Variants in TYW1B observed in about 807,000 individuals in gnomAD.
TYW1B encodes the protein S-adenosyl-L-methionine-dependent tRNA 4-demethylwyosine synthase TYW1B.
TYW1B carries 73 observed loss-of-function variants against 86.9 expected under a neutral mutation model. The observed-to-expected ratio is 0.84, with a 90% CI of 0.70 to 1.02. The LOEUF (loss-of-function observed/expected upper bound fraction) is 1.02, where lower values mean the gene tolerates loss of function less well. Ranked by LOEUF, TYW1B falls within the 50% of genes least tolerant of loss-of-function variation. TYW1B has a pLI of 0.00. For missense variants in TYW1B, 637 were observed against 827.4 expected, an observed-to-expected ratio of 0.77 and a Z score of 2.82; for synonymous variants, 248 against 292.8, an observed-to-expected ratio of 0.85 and a Z score of 1.56.
intron 11 of TYW1B, among the ~76,000 whole-genome samples, chr7:72,630,781 C>T (rs1326955136): frequency 7.2e-5 from 11 of 151,824 alleles, no homozygotes; most frequent in Non-Finnish European, 1.3e-4. Flanking sequence ...CCTTTATATA[C>T]TTATAATTCA....
intron 8 of TYW1B, among the ~76,000 whole-genome samples, chr7:72,734,905 A>C (rs2129571167): frequency 6.6e-6 from 1 of 152,346 alleles, no homozygotes; most frequent in Admixed American, 6.5e-5. Flanking sequence ...TCAAAACCGC[A>C]ATGAAATTCC....
intron 11 of TYW1B, among the ~76,000 whole-genome samples, chr7:72,637,047 C>T (rs1209760904): frequency 6.6e-6 from 1 of 151,998 alleles, no homozygotes; most frequent in Non-Finnish European, 1.5e-5. Context: ...GTGATTGAGC[C>T]CAGGAGGTGG....
chr7:72,646,729 G>A (rs1403372205), intron 11 of TYW1B, among the ~76,000 whole-genome samples: 1 of 152,164 alleles, frequency 6.6e-6, no homozygotes, highest in African/African-American at 2.4e-5. Flanking sequence ...ATGATATTAT[G>A]TCTGTTATTA....
At chr7:72,698,800 G>C (rs1468886865) in intron 10 of TYW1B, among the ~76,000 whole-genome samples, 3 of 152,192 alleles carry the variant, frequency 2.0e-5, no homozygotes, top group Non-Finnish European at 2.9e-5. Context: ...GCGGTTACAT[G>C]TAACAAACAG....
intron 9 of TYW1B, among the ~76,000 whole-genome samples, chr7:72,720,321 G>A (rs1786872058): frequency 6.6e-6 from 1 of 152,176 alleles, no homozygotes; most frequent in South Asian, 2.1e-4. Flanking sequence ...TCTGGGGAGA[G>A]GAAGAGGGAT....
intron 6 of TYW1B, among the ~76,000 whole-genome samples, chr7:72,784,724 C>A (rs187875452): frequency 6.6e-6 from 1 of 152,282 alleles, no homozygotes; most frequent in Admixed American, 6.5e-5. Flanking sequence ...TCTTGAACTC[C>A]AGACCTCAGG....
intron 6 of TYW1B, 107 bp from the exon 7 acceptor site, chr7:72,777,640 G>T: frequency 7.3e-7 from 1 of 1,367,460 alleles, no homozygotes; most frequent in Non-Finnish European, 1.0e-6. Context: ...ATGAGGCTGG[G>T]CATAGTGGCT....
intron 7 of TYW1B, among the ~76,000 whole-genome samples, chr7:72,750,510 T>C (rs1787481052): frequency 6.6e-6 from 1 of 152,334 alleles, no homozygotes; most frequent in African/African-American, 2.4e-5. Context: ...TTTCAGTTTT[T>C]AGATGATTAG....
chr7:72,771,244 G>A (rs782560062), intron 7 of TYW1B, among the ~76,000 whole-genome samples: 5 of 152,134 alleles, frequency 3.3e-5, no homozygotes, highest in Non-Finnish European at 7.3e-5. Flanking sequence ...TTACAGGCGT[G>A]AGCCACTGCA....
intron 11 of TYW1B, among the ~76,000 whole-genome samples, chr7:72,632,250 C>A (rs1426360535): frequency 3.7e-5 from 4 of 107,608 alleles, no homozygotes; most frequent in African/African-American, 1.3e-4. Context: ...CAGAGCAAGA[C>A]CCTGTCTCCA....
intron 11 of TYW1B, among the ~76,000 whole-genome samples, chr7:72,660,584 C>T (rs1813305436): frequency 6.6e-6 from 1 of 152,148 alleles, no homozygotes. Flanking sequence ...CACCAGTTTC[C>T]CGTTTGCAAA....
At chr7:72,590,300 T>C (rs1337394718) in intron 13 of TYW1B, among the ~76,000 whole-genome samples, 1 of 152,198 alleles carries the variant, frequency 6.6e-6, no homozygotes, top group Non-Finnish European at 1.5e-5. Context: ...GCAGCTTGCA[T>C]GTAGCTTCTA....
In TYW1B at chr7:72,810,630, C is replaced by T. The variant is rs370345800; in HGVS notation, c.273G>A (p.Ala91=). The T allele has an allele frequency of 6.9e-5, 112 of 1,613,320 alleles. No homozygotes were observed. Among genetic ancestry groups the T allele is most frequent in the Non-Finnish European group, 8.1e-5 (96 of 1,179,510 alleles). Residue 91 remains alanine (A), a synonymous_variant, in exon 4 of 14, where the codon GCG becomes GCA. Transcript: ENST00000620995. ...TSKNVCVFLV[A]TYTDGLPTES... ...CGGTTGGTAGGCCGTCAGTGTATGT[C>T]GCAACCAGGAAGACACAGACATTTT...
intron 4 of TYW1B, among the ~76,000 whole-genome samples, chr7:72,809,670 TA>T (rs140039255): frequency 7.9e-5 from 12 of 150,996 alleles, no homozygotes; most frequent in African/African-American, 2.9e-4. Flanking sequence ...TAAACATAAT[TA>T]AAAAAAAATT....
At chr7:72,822,019 G>T (rs1333979160) in intron 2 of TYW1B, among the ~76,000 whole-genome samples, 1 of 151,782 alleles carries the variant, frequency 6.6e-6, no homozygotes, top group African/African-American at 2.4e-5. Context: ...GCCGAGGCGG[G>T]TGAATCACTT....
chr7:72,650,876 A>G (rs1364931166), intron 11 of TYW1B, among the ~76,000 whole-genome samples: 2 of 152,208 alleles, frequency 1.3e-5, no homozygotes, highest in Non-Finnish European at 2.9e-5. Context: ...AATAAATGGA[A>G]GACATGGCTT....
rs62465953 is a variant in TYW1B at position 72,606,543 on chromosome 7, C to T, written c.1785+10129G>A. ...ACAAGGCACCTCTCCCCCATACACTCGAGTGGTGTCAGAAGAAGCTTAGTG... is the reference window on the plus strand; with the variant it reads ...ACAAGGCACCTCTCCCCCATACACTTGAGTGGTGTCAGAAGAAGCTTAGTG... On this transcript the variant is annotated intron_variant, in intron 13 of 13. Transcript: ENST00000620995. Among the ~76,000 whole-genome samples, 1,140 of 152,030 alleles carry T rather than the reference C, an allele frequency of 7.5e-3. 6 individuals are homozygous for T. Among genetic ancestry groups the T allele is most frequent in the East Asian group, 0.013 (65 of 5,170 alleles).
intron 11 of TYW1B, among the ~76,000 whole-genome samples, chr7:72,676,408 G>A (rs1813736009): frequency 6.6e-6 from 1 of 152,184 alleles, no homozygotes; most frequent in Non-Finnish European, 1.5e-5. Context: ...AATGTTCTCT[G>A]CAGGACCCAA....
intron 8 of TYW1B, among the ~76,000 whole-genome samples, chr7:72,738,292 C>T (rs1226254603): frequency 6.6e-6 from 1 of 151,564 alleles, no homozygotes; most frequent in Non-Finnish European, 1.5e-5. Context: ...CCTCTGTTGG[C>T]CAGGCTGGTC....
Sources: gnomAD v4.1 joint callset for allele counts (sites outside exome capture counted in the v4.1 genomes callset) on GRCh38, gnomAD v4.1.1 for gene constraint, MANE v1.5 for transcripts, NCBI Gene and HGNC (gene_info 2026-07-23, HGNC 2026-07-21) for gene names.